PRKN: variants seen among roughly 807,000 people sequenced by gnomAD.
The protein encoded by PRKN is E3 ubiquitin-protein ligase parkin.
Under a neutral mutation model 59.5 loss-of-function variants are expected in PRKN, and 56 were observed. The observed-to-expected ratio is 0.94, with a 90% confidence interval of 0.76 to 1.18. The LOEUF (loss-of-function observed/expected upper bound fraction) is 1.18, where lower values mean the gene tolerates loss of function less well. PRKN is among the 50% of genes most tolerant of loss of function. The probability of loss-of-function intolerance (pLI) is 0.00; values close to 1 mark genes in which losing one functional copy is unlikely to be tolerated. For missense variants in PRKN, 657 were observed against 596.4 expected, an observed-to-expected ratio of 1.10 and a Z score of -1.06; for synonymous variants, 250 against 222.1, an observed-to-expected ratio of 1.13 and a Z score of -1.12.
intron 7 of PRKN, among the ~76,000 whole-genome samples, chr6:161,730,545 GCATTCTGATATGTTGCATT>G (rs1787653070): frequency 6.6e-6 from 1 of 150,992 alleles, no homozygotes; most frequent in African/African-American, 2.5e-5. Flanking sequence ...CTGATGTGTT[GCATTCTGATATGTTGCATT>G]CTTTCTGATG....
At chr6:162,254,842 TACTCAAAAAAGAGTACTACATTTCCCA>T (rs1779579824) in intron 3 of PRKN, among the ~76,000 whole-genome samples, 1 of 151,960 alleles carries the variant, frequency 6.6e-6, no homozygotes, top group Non-Finnish European at 1.5e-5. Flanking sequence ...TTGGATGAAG[TACTCAAAAAAGAGTACTACATTTCCCA>T]ACATAAAATG....
At chr6:161,937,136 A>G (rs1207197611) in intron 6 of PRKN, among the ~76,000 whole-genome samples, 1 of 152,206 alleles carries the variant, frequency 6.6e-6, no homozygotes, top group Non-Finnish European at 1.5e-5. Flanking sequence ...TTCAGTCAAT[A>G]CTGTAAAAAA....
At chr6:161,747,264 T>G (rs563874084) in intron 7 of PRKN, among the ~76,000 whole-genome samples, 1 of 152,192 alleles carries the variant, frequency 6.6e-6, no homozygotes, top group Non-Finnish European at 1.5e-5. Flanking sequence ...CTCCTTCCTC[T>G]CTTTGGAGAT....
At chr6:161,482,432 C>T (rs1791445400) in intron 9 of PRKN, among the ~76,000 whole-genome samples, 1 of 152,184 alleles carries the variant, frequency 6.6e-6, no homozygotes, top group South Asian at 2.1e-4. Context: ...GTCAAGAAAA[C>T]ATTGTCATCA....
At chr6:162,493,237 A>T (rs745891712) in intron 1 of PRKN, among the ~76,000 whole-genome samples, 9 of 152,190 alleles carry the variant, frequency 5.9e-5, no homozygotes, top group Non-Finnish European at 1.3e-4. Flanking sequence ...AAAATGGAAA[A>T]GGGAGAACTG....
At chr6:162,252,251 T>C (rs545087136) in intron 3 of PRKN, among the ~76,000 whole-genome samples, 29 of 152,336 alleles carry the variant, frequency 1.9e-4, no homozygotes, top group Admixed American at 5.2e-4. Flanking sequence ...CACTAAACGA[T>C]ACATCACTGT....
intron 4 of PRKN, among the ~76,000 whole-genome samples, chr6:162,198,584 G>T (rs891174623): frequency 3.9e-5 from 6 of 151,968 alleles, no homozygotes; most frequent in Admixed American, 3.9e-4. Flanking sequence ...GAGCTAATCT[G>T]CACAAAAGGA....
At chr6:162,054,437 C>T (rs1490291197) in intron 4 of PRKN, among the ~76,000 whole-genome samples, 7 of 152,214 alleles carry the variant, frequency 4.6e-5, no homozygotes, top group Admixed American at 1.3e-4. Flanking sequence ...CCTCCCCCTA[C>T]GGCTGAGGTT....
At chr6:161,953,342 C>T (rs990358829) in intron 6 of PRKN, among the ~76,000 whole-genome samples, 7 of 152,090 alleles carry the variant, frequency 4.6e-5, no homozygotes, top group African/African-American at 7.2e-5. Context: ...AACTCCTGAC[C>T]TGGGTGATCC....
At chr6:162,084,179 T>C (rs1779166227) in intron 4 of PRKN, among the ~76,000 whole-genome samples, 1 of 152,150 alleles carries the variant, frequency 6.6e-6, no homozygotes. Flanking sequence ...TAAAATATAA[T>C]ATTAGGTTGG....
At chr6:161,864,947 C>T (rs1268564393) in intron 6 of PRKN, among the ~76,000 whole-genome samples, 2 of 152,164 alleles carry the variant, frequency 1.3e-5, no homozygotes, top group Non-Finnish European at 1.5e-5. Context: ...AACCATCGTG[C>T]CCGGCCTCCA....
At chr6:162,644,884 T>C (rs1778104312) in intron 1 of PRKN, among the ~76,000 whole-genome samples, 1 of 152,180 alleles carries the variant, frequency 6.6e-6, no homozygotes. Flanking sequence ...CAAAAGCTTA[T>C]CTAAGTAAGG....
At chr6:161,500,615 T>C (rs945346152) in intron 9 of PRKN, among the ~76,000 whole-genome samples, 1 of 152,218 alleles carries the variant, frequency 6.6e-6, no homozygotes, top group African/African-American at 2.4e-5. Context: ...TTCCTCTATG[T>C]CTTCCCATGG....
At chr6:162,530,024 G>A (rs1284134846) in intron 1 of PRKN, among the ~76,000 whole-genome samples, 1 of 151,982 alleles carries the variant, frequency 6.6e-6, no homozygotes, top group African/African-American at 2.4e-5. Flanking sequence ...CAGCTACTCA[G>A]GAGGCTGAGG....
intron 10 of PRKN, among the ~76,000 whole-genome samples, chr6:161,374,264 AGT>A (rs1291938979): frequency 6.6e-6 from 1 of 150,544 alleles, no homozygotes; most frequent in African/African-American, 2.4e-5. Context: ...CTGTATGTGC[AGT>A]GTGTGTGGTG....
intron 6 of PRKN, among the ~76,000 whole-genome samples, chr6:161,962,540 C>CTTTTTTTTTTT (rs567987319): frequency 7.3e-6 from 1 of 136,166 alleles, no homozygotes; most frequent in African/African-American, 2.7e-5. Flanking sequence ...AATGTAGCAC[C>CTTTTTTTTTTT]TTTTTTTTTT....
At chr6:161,893,041 C>A (rs373486973) in intron 6 of PRKN, among the ~76,000 whole-genome samples, 2 of 152,190 alleles carry the variant, frequency 1.3e-5, no homozygotes, top group African/African-American at 4.8e-5. Context: ...TGGGGTTTCA[C>A]CATCTTGGCC....
At chr6:162,332,228 TG>T (rs1460444265) in intron 2 of PRKN, among the ~76,000 whole-genome samples, 1 of 152,192 alleles carries the variant, frequency 6.6e-6, no homozygotes, top group Admixed American at 6.5e-5. Context: ...CTTGAAAAAC[TG>T]GAAGACAACT....
Position 161,906,659 on chromosome 6 carries a change from C to CATATATATATGTATATATATAT in PRKN, c.734+66642_734+66643insATATATATATACATATATATAT. On this transcript the variant is annotated intron_variant, in intron 6 of 11. Coordinates refer to ENST00000366898, the MANE Select transcript of PRKN (RefSeq NM_004562.3). The stretch of plus-strand genomic sequence containing the variant: ...AGAGGGACAAATCTAATAGAACATA[C>CATATATATATGTATATATATAT]ATATATATATATATATGTATATATG... Among the ~76,000 whole-genome samples, 3 of 116,630 alleles carry CATATATATATGTATATATATAT rather than the reference C, an allele frequency of 2.6e-5. No individual in the cohort carries two copies. The South Asian group carries it at 7.4e-4, about 29-fold the overall frequency. 76.5% of individuals were successfully genotyped at this position (116,630 alleles called of 152,430 possible).
Sources: allele counts gnomAD v4.1 joint callset (sites outside exome capture counted in the v4.1 genomes callset), GRCh38; gene constraint gnomAD v4.1.1; transcripts MANE v1.5; gene names NCBI Gene and HGNC (gene_info 2026-07-23, HGNC 2026-07-21).